PRPSAP2: variants seen among roughly 807,000 people sequenced by gnomAD.
PRPSAP2 encodes the protein phosphoribosyl pyrophosphate synthase-associated protein 2.
Under a neutral mutation model 40.6 loss-of-function variants are expected in PRPSAP2, and 24 were observed. The observed-to-expected ratio is 0.59, with a 90% confidence interval of 0.43 to 0.83. The LOEUF (loss-of-function observed/expected upper bound fraction) is 0.83. PRPSAP2 is among the 40% of genes least tolerant of loss of function. The pLI is 0.00. For synonymous variants in PRPSAP2, 149 were observed against 164.7 expected, an observed-to-expected ratio of 0.90 and a Z score of 0.73; for missense variants, 292 against 465.6, an observed-to-expected ratio of 0.63 and a Z score of 3.43.
At chr17:18,859,007 C>T (rs1480862931) in intron 1 of PRPSAP2, among the ~76,000 whole-genome samples, 2 of 152,136 alleles carry the variant, frequency 1.3e-5, no homozygotes, top group Non-Finnish European at 2.9e-5. Context: ...GTGATTTGAG[C>T]TCGTTCCACT....
chr17:18,929,308 G>A (rs1207567083), intron 11 of PRPSAP2, among the ~76,000 whole-genome samples: 2 of 151,824 alleles, frequency 1.3e-5, no homozygotes, highest in African/African-American at 4.8e-5. Context: ...AGTGAGCCGA[G>A]ATTGTGCCAC....
chr17:18,892,254 G>A (rs955335793), intron 8 of PRPSAP2, among the ~76,000 whole-genome samples: 3 of 150,696 alleles, frequency 2.0e-5, no homozygotes, highest in Admixed American at 6.6e-5. Context: ...TTTTTTTACC[G>A]TTTGGCTATT....
In PRPSAP2 at chr17:18,912,946, C is replaced by T. The variant is rs139195746; in HGVS notation, c.733+1695C>T. ...TAAGGCTTAAGTTGACTCAAAGCCC[C>T]GCCTTCCACAAAAACTGGGGCAGGG... On this transcript the variant is annotated intron_variant, in intron 9 of 11. Transcript: ENST00000268835. 3.6e-3 allele frequency among the ~76,000 whole-genome samples: 553 copies of T among 152,334 alleles called. 3 individuals carry two copies. Among genetic ancestry groups the T allele is most frequent in the Non-Finnish European group, 5.6e-3 (378 of 68,034 alleles).
chr17:18,930,145 G>A (rs1396795390), intron 11 of PRPSAP2, among the ~76,000 whole-genome samples: 9 of 152,164 alleles, frequency 5.9e-5, no homozygotes, highest in Non-Finnish European at 1.2e-4. Flanking sequence ...GGCCGAGGCC[G>A]GTGGATCATG....
chr17:18,911,072 T>G lies in PRPSAP2; in HGVS notation c.585-31T>G. The G allele has an allele frequency of 6.3e-7, 1 of 1,581,776 alleles. No homozygotes were observed. The highest frequency in any genetic ancestry group is 1.1e-5 in the South Asian group (1 of 87,718). The stretch of plus-strand genomic sequence containing the variant: ...TTAGCAGAACCAAGGGCTGCATGAG[T>G]TTTGAGCTTGTGTCTGGTGTTTTCC... On this transcript the variant is annotated intron_variant, in intron 8 of 11. Transcript: ENST00000268835. This position sits in a 1 kb window ranked among gnomAD's most constrained non-coding sequence, Gnocchi z 4.5.
chr17:18,903,779 G>A (rs1713169610), intron 8 of PRPSAP2, among the ~76,000 whole-genome samples: 1 of 152,102 alleles, frequency 6.6e-6, no homozygotes, highest in South Asian at 2.1e-4. Context: ...GAGCTCTGTC[G>A]ACATGGCATC....
chr17:18,898,423 C>T (rs939829426), intron 8 of PRPSAP2, among the ~76,000 whole-genome samples: 1 of 152,146 alleles, frequency 6.6e-6, no homozygotes, highest in Non-Finnish European at 1.5e-5. Flanking sequence ...TTTATTGTTT[C>T]CTTTCTGTTT....
chr17:18,923,011 C>T (rs924443823), intron 9 of PRPSAP2, among the ~76,000 whole-genome samples: 14 of 151,482 alleles, frequency 9.2e-5, no homozygotes, highest in African/African-American at 2.9e-4. Context: ...AGACTCTTAC[C>T]AGATACATGA....
At chr17:18,923,404 C>T (rs1054961874) in intron 9 of PRPSAP2, among the ~76,000 whole-genome samples, 4 of 152,114 alleles carry the variant, frequency 2.6e-5, no homozygotes, top group Admixed American at 6.5e-5. Flanking sequence ...CCACGCCTGG[C>T]GTGGAATTGC....
At chr17:18,912,702 A>G (rs1340213167) in intron 9 of PRPSAP2, among the ~76,000 whole-genome samples, 2 of 152,182 alleles carry the variant, frequency 1.3e-5, no homozygotes, top group Admixed American at 6.6e-5. Context: ...CCAAAATGCA[A>G]TGGTGGGACA....
At chr17:18,923,397 C>T (rs1229055535) in intron 9 of PRPSAP2, among the ~76,000 whole-genome samples, 2 of 152,014 alleles carry the variant, frequency 1.3e-5, no homozygotes, top group Admixed American at 6.6e-5. Flanking sequence ...TGAGCCACCA[C>T]GCCTGGCGTG....
At chr17:18,898,614 C>G (rs2040067672) in intron 8 of PRPSAP2, among the ~76,000 whole-genome samples, 2 of 152,118 alleles carry the variant, frequency 1.3e-5, no homozygotes, top group Non-Finnish European at 2.9e-5. Context: ...GTGTCACTTT[C>G]TTTTGGTCAC....
At chr17:18,882,720 A>T (rs1368451372) in intron 7 of PRPSAP2, 37 bp downstream of exon 7, 1 of 1,310,726 alleles carries the variant, frequency 7.6e-7, no homozygotes, top group South Asian at 1.2e-5. Flanking sequence ...TAACATTCTG[A>T]TTAAGGTTGA....
At chr17:18,873,426 G>A (rs548415261) in intron 5 of PRPSAP2, among the ~76,000 whole-genome samples, 1 of 152,116 alleles carries the variant, frequency 6.6e-6, no homozygotes, top group South Asian at 2.1e-4. Flanking sequence ...GGCTGGTCTT[G>A]AACTCCCGAC....
intron 8 of PRPSAP2, among the ~76,000 whole-genome samples, chr17:18,890,959 T>A (rs1287723756): frequency 6.6e-6 from 1 of 152,206 alleles, no homozygotes; most frequent in Admixed American, 6.5e-5. Flanking sequence ...CACTATTGCA[T>A]ACTTAAAATT....
chr17:18,892,727 G>GTGTGTTTTTT (rs60288281), intron 8 of PRPSAP2, among the ~76,000 whole-genome samples: 1 of 126,626 alleles, frequency 7.9e-6, no homozygotes, highest in Non-Finnish European at 1.7e-5. Flanking sequence ...GTGTGTGTGT[G>GTGTGTTTTTT]TATTTATTTA....
intron 1 of PRPSAP2, chr17:18,864,977 G>A (rs1446874092): frequency 6.6e-6 from 1 of 152,298 alleles, no homozygotes; most frequent in Non-Finnish European, 1.5e-5. Context: ...CTCCCGAGTA[G>A]GTGGGACTAC....
At chr17:18,901,061 C>T (rs891941909) in intron 8 of PRPSAP2, among the ~76,000 whole-genome samples, 2 of 152,246 alleles carry the variant, frequency 1.3e-5, no homozygotes, top group South Asian at 2.1e-4. Context: ...ACAGGCTCAC[C>T]CCTCAACCTT....
chr17:18,910,580 A>T (rs1444121328), intron 8 of PRPSAP2, among the ~76,000 whole-genome samples: 2 of 152,180 alleles, frequency 1.3e-5, no homozygotes, highest in Non-Finnish European at 2.9e-5. Flanking sequence ...TGTGGTGATG[A>T]CGTTCCTTAT....
Sources: gnomAD v4.1 joint callset for allele counts (sites outside exome capture counted in the v4.1 genomes callset) on GRCh38, gnomAD v4.1.1 for gene constraint, Gnocchi (gnomAD v3.1) non-coding constraint, MANE v1.5 for transcripts, NCBI Gene and HGNC (gene_info 2026-07-23, HGNC 2026-07-21) for gene names.